The following ARHGAP25 variants were observed in gnomAD, a reference collection of about 807,000 sequenced individuals.
The protein encoded by ARHGAP25 is rho GTPase-activating protein 25.
In ARHGAP25, 34 loss-of-function variants were observed where a neutral mutation model predicts 71.0. The observed-to-expected ratio is 0.48, with a 90% CI of 0.36 to 0.64. The LOEUF is 0.64. Ranked by LOEUF, ARHGAP25 falls within the 30% of genes least tolerant of loss-of-function variation. The pLI, the probability that ARHGAP25 is intolerant of heterozygous loss-of-function variation, is 0.00. For synonymous variants in ARHGAP25, 282 were observed against 296.5 expected (o/e 0.95, Z 0.50); for missense variants, 706 against 805.1 (o/e 0.88, Z 1.49).
chr2:68,826,141 G>A lies in ARHGAP25; in HGVS notation c.1888G>A (p.Glu630Lys). ...TGAGAAGAGGAACAAGGCCTTGGAA[G>A]AAGAAGTCAAGGAATTTGTCAAATC... ...DVEKRNKALE[E>K]EVKEFVKSMK... The change falls in exon 11 of 11, where the codon GAA becomes AAA. Residue 630 changes from glutamate (E) to lysine (K), a missense_variant. By Grantham distance (56) the Glu-to-Lys change is moderately conservative. Transcript: ENST00000409202. The A allele has an allele frequency of 6.2e-7, 1 of 1,614,188 alleles. No individual in the cohort carries two copies. Among genetic ancestry groups the A allele is most frequent in the Non-Finnish European group, 8.5e-7 (1 of 1,180,028 alleles).
At chr2:68,760,166 C>G (rs1351729304) in intron 1 of ARHGAP25, among the ~76,000 whole-genome samples, 2 of 151,850 alleles carry the variant, frequency 1.3e-5, no homozygotes, top group Non-Finnish European at 2.9e-5. Flanking sequence ...CTCAATAAAC[C>G]AGGAATAGAA....
rs536988613 is a variant in ARHGAP25, at chr2:68,818,415, C to T, written c.1003+421C>T. Among the ~76,000 whole-genome samples the T allele has an allele frequency of 1.3e-4, 20 of 152,314 alleles. 1 individual carries two copies. In the South Asian group the frequency reaches 4.1e-3, roughly 32 times the overall value. On this transcript the variant is annotated intron_variant, in intron 8 of 10. Transcript: ENST00000409202. ...CAAACTTAGCTCACTGTAATCTCTG[C>T]CTCCAGGGTTCAAGTGATTCTCCTG...
chr2:68,739,431 C>G (rs34956175), intron 1 of ARHGAP25, among the ~76,000 whole-genome samples: 6,695 of 152,296 alleles, frequency 0.044, 205 homozygotes, highest in Middle Eastern at 0.085. Context: ...TGGGAGAACT[C>G]TGTGGAGACT....
upstream of ARHGAP25, among the ~76,000 whole-genome samples, chr2:68,734,593 A>T (rs753792602): frequency 6.6e-6 from 1 of 152,244 alleles, no homozygotes. Context: ...GTTGAAGTAG[A>T]TGATGGGAGT....
intron 3 of ARHGAP25, among the ~76,000 whole-genome samples, chr2:68,783,011 A>G (rs529724967): frequency 7.9e-5 from 12 of 152,346 alleles, no homozygotes; most frequent in Middle Eastern, 6.8e-3. Context: ...CTACTGCTGT[A>G]CTGACCACAG....
chr2:68,735,489 A>C, intron 1 of ARHGAP25: 1 of 597,982 alleles, frequency 1.7e-6, no homozygotes, highest in Non-Finnish European at 3.0e-6. Context: ...CTTGGTGTGC[A>C]GGATCTGGGG....
chr2:68,784,094 T>C lies in ARHGAP25; in HGVS notation c.349+1774T>C, dbSNP rs190927339. ...AGGTTTGTTCTCTCATTATCACTTATGTTTGCAGCAGTCTCCTGGCCTGCT... is the reference window on the plus strand; with the variant it reads ...AGGTTTGTTCTCTCATTATCACTTACGTTTGCAGCAGTCTCCTGGCCTGCT... On this transcript the variant is annotated intron_variant, in intron 3 of 10. Transcript: ENST00000409202. Among the ~76,000 whole-genome samples the C allele has an allele frequency of 3.7e-3, 567 of 152,290 alleles. 2 individuals carry two copies. The highest frequency in any genetic ancestry group is 0.012 in the African/African-American group (496 of 41,550).
chr2:68,724,390 C>G (rs1172754433), intron 2 of ARHGAP25, among the ~76,000 whole-genome samples: 1 of 152,216 alleles, frequency 6.6e-6, no homozygotes, highest in Non-Finnish European at 1.5e-5. Flanking sequence ...AGCAAAACCT[C>G]TCTCATACTA....
At chr2:68,819,462 A>T (rs1277224537) in intron 9 of ARHGAP25, 143 bp downstream of exon 9, 1 of 828,170 alleles carries the variant, frequency 1.2e-6, no homozygotes, top group South Asian at 1.4e-5. Context: ...GACTCATCTG[A>T]ACACACCTTG....
chr2:68,776,243 G>C (rs950738628), intron 2 of ARHGAP25, among the ~76,000 whole-genome samples: 1 of 151,864 alleles, frequency 6.6e-6, no homozygotes, highest in African/African-American at 2.4e-5. Context: ...GAAGCAAGAG[G>C]GTAGTCAGGG....
intron 1 of ARHGAP25, 142 bp downstream of exon 1, chr2:68,735,402 T>G: frequency 8.1e-6 from 7 of 862,802 alleles, no homozygotes; most frequent in Non-Finnish European, 1.3e-5. Flanking sequence ...TGCATTTAAG[T>G]TGGCATGCCA....
At chr2:68,810,128 T>TA (rs11332513) in intron 5 of ARHGAP25, among the ~76,000 whole-genome samples, 1,696 of 129,116 alleles carry the variant, frequency 0.013, 18 homozygotes, top group African/African-American at 0.029. Flanking sequence ...AGCCCTTGAT[T>TA]AAAAAAAAAA....
intron 4 of ARHGAP25, among the ~76,000 whole-genome samples, chr2:68,793,898 A>G (rs1056813335): frequency 6.6e-6 from 1 of 152,134 alleles, no homozygotes; most frequent in Non-Finnish European, 1.5e-5. Flanking sequence ...GATTTTCCCA[A>G]TGCATGAGCA....
At chr2:68,719,833 G>A (rs1450801684) in intron 2 of ARHGAP25, among the ~76,000 whole-genome samples, 1 of 152,110 alleles carries the variant, frequency 6.6e-6, no homozygotes, top group Non-Finnish European at 1.5e-5. Context: ...CAGAGCAGGG[G>A]TTGGTACCCA....
At chr2:68,801,722 G>A (rs1679979907) in intron 4 of ARHGAP25, among the ~76,000 whole-genome samples, 1 of 152,152 alleles carries the variant, frequency 6.6e-6, no homozygotes, top group Non-Finnish European at 1.5e-5. Context: ...ACAGTCCAGT[G>A]GAAGAGAGGG....
chr2:68,817,635 C>T (rs1247477149), intron 7 of ARHGAP25, among the ~76,000 whole-genome samples: 1 of 152,148 alleles, frequency 6.6e-6, no homozygotes, highest in Non-Finnish European at 1.5e-5. Context: ...TATGTGATTC[C>T]ATTCACCTCC....
chr2:68,721,844 T>C (rs1262668348), intron 2 of ARHGAP25, among the ~76,000 whole-genome samples: 2 of 152,228 alleles, frequency 1.3e-5, no homozygotes, highest in Non-Finnish European at 2.9e-5. Flanking sequence ...GATCCCTTGC[T>C]CTTCTCTAGG....
At chr2:68,748,227 T>C (rs1231563268) in intron 1 of ARHGAP25, among the ~76,000 whole-genome samples, 1 of 152,184 alleles carries the variant, frequency 6.6e-6, no homozygotes, top group Non-Finnish European at 1.5e-5. Flanking sequence ...AAGGCCTGTC[T>C]GCTGTTCTCC....
chr2:68,799,957 C>T (rs548127636), intron 4 of ARHGAP25, among the ~76,000 whole-genome samples: 5 of 152,292 alleles, frequency 3.3e-5, no homozygotes, highest in East Asian at 1.9e-4. Flanking sequence ...CAGGATGCCG[C>T]GGTGGGAACT....
Sources: gnomAD v4.1 joint callset for allele counts (sites outside exome capture counted in the v4.1 genomes callset) on GRCh38, gnomAD v4.1.1 for gene constraint, MANE v1.5 for transcripts, NCBI Gene and HGNC (gene_info 2026-07-23, HGNC 2026-07-21) for gene names.